The following NPTX2 variants were observed in gnomAD, a reference collection of about 807,000 sequenced individuals.
The protein encoded by NPTX2 is neuronal pentraxin-2.
Under a neutral mutation model 38.1 loss-of-function variants are expected in NPTX2, and 23 were observed. The ratio of observed to expected loss-of-function variants is 0.60; its 90% CI spans 0.43 to 0.85. The LOEUF (loss-of-function observed/expected upper bound fraction) is 0.85, where lower values mean the gene tolerates loss of function less well. NPTX2 is among the 40% of genes least tolerant of loss of function. The pLI is 0.00. For missense variants in NPTX2, 553 were observed against 615.3 expected, an observed-to-expected ratio of 0.90 and a Z score of 1.07; for synonymous variants, 291 against 287.3, an observed-to-expected ratio of 1.01 and a Z score of -0.13.
chr7:98,618,811 C>G (rs1426082488), intron 1 of NPTX2, among the ~76,000 whole-genome samples: 1 of 151,844 alleles, frequency 6.6e-6, no homozygotes, highest in Non-Finnish European at 1.5e-5. Flanking sequence ...AAAAATGACT[C>G]TAGGGTTTCT....
chr7:98,619,346 G>C (rs973338873), intron 1 of NPTX2, among the ~76,000 whole-genome samples: 3 of 152,134 alleles, frequency 2.0e-5, no homozygotes, highest in Admixed American at 6.5e-5. Context: ...ACCCAACATA[G>C]AATTCTAGGC....
chr7:98,620,340 A>C (rs565742277), intron 2 of NPTX2, among the ~76,000 whole-genome samples: 16 of 152,128 alleles, frequency 1.1e-4, no homozygotes, highest in Non-Finnish European at 1.8e-4. Flanking sequence ...TAAGCTGATG[A>C]AGCCACTTCC....
At position 98,617,384 on chromosome 7, in the gene NPTX2, C is replaced by A. The variant is rs1368149722; in HGVS notation, c.-78C>A. 2 of 359,876 alleles carry A rather than the reference C, an allele frequency of 5.6e-6. No homozygotes were observed. Among genetic ancestry groups the A allele is most frequent in the Non-Finnish European group, 9.3e-6 (2 of 215,062 alleles). The allele number at this position is 359,876 out of a possible 1,614,324, so 22.3% of individuals were successfully genotyped here. On this transcript the variant is annotated 5_prime_UTR_variant, in exon 1 of 5. Coordinates refer to ENST00000265634, the MANE Select transcript of NPTX2 (RefSeq NM_002523.3). Reference sequence around the variant, plus strand: ...GAGACGACAGCGCGGCTACTGCCAGCAGCGAAGGCGCCTCCCGCGGAGCGC... The same window carrying A: ...GAGACGACAGCGCGGCTACTGCCAGAAGCGAAGGCGCCTCCCGCGGAGCGC...
chr7:98,626,247 A>G (rs1791348886), intron 3 of NPTX2, among the ~76,000 whole-genome samples: 1 of 151,988 alleles, frequency 6.6e-6, no homozygotes. Flanking sequence ...CCATATAACA[A>G]AAAGAACATT....
chr7:98,628,421 T>C lies in NPTX2; in HGVS notation c.1088T>C (p.Phe363Ser), dbSNP rs1255135259. The C allele has an allele frequency of 1.2e-6, 2 of 1,603,080 alleles. No homozygotes were observed. The stretch of plus-strand genomic sequence containing the variant: ...CCCCAGGACACCGTGGGGGGTAGGT[T>C]TGATGCCACTCAGGCATTTGTCGGG... The part of the protein sequence containing the change: ...GQEQDTVGGR[F>S]DATQAFVGEL... The change falls in exon 5 of 5, where the codon TTT (phenylalanine) becomes TCT (serine). Residue 363 changes from phenylalanine to serine, a missense_variant. Phe to Ser is a radical substitution (Grantham distance 155). Transcript: ENST00000265634.
chr7:98,617,939 CG>C (rs1362136770), intron 1 of NPTX2, 52 bp downstream of exon 1: 1 of 1,511,708 alleles, frequency 6.6e-7, no homozygotes. Flanking sequence ...GCTCCCGAGT[CG>C]GGGGCGGAAG....
intron 2 of NPTX2, among the ~76,000 whole-genome samples, chr7:98,621,835 C>T (rs1043286806): frequency 1.3e-5 from 2 of 152,220 alleles, no homozygotes; most frequent in African/African-American, 4.8e-5. Context: ...GTGATGCCTG[C>T]ATTCACATTG....
chr7:98,617,921 A>G, intron 1 of NPTX2, 34 bp downstream of exon 1: 1 of 1,531,960 alleles, frequency 6.5e-7, no homozygotes, highest in Non-Finnish European at 8.7e-7. Context: ...GGGACCTGGA[A>G]TGGGGACGCT....
At chr7:98,628,115 C>A (rs184444506) in intron 4 of NPTX2, among the ~76,000 whole-genome samples, 1 of 152,136 alleles carries the variant, frequency 6.6e-6, no homozygotes, top group Non-Finnish European at 1.5e-5. Context: ...GCTACATCTC[C>A]GCTGGGAGGG....
At chr7:98,626,992 G>A (rs1791360541) in intron 3 of NPTX2, among the ~76,000 whole-genome samples, 173 bp from the exon 4 acceptor site, 1 of 152,054 alleles carries the variant, frequency 6.6e-6, no homozygotes, top group Non-Finnish European at 1.5e-5. Flanking sequence ...GGCTGCTCTG[G>A]GGTCAGGGTT....
Position 98,619,716 on chromosome 7 carries a change from G to A in NPTX2, c.500G>A (p.Gly167Glu). 6.2e-7 allele frequency: 1 copy of A among 1,613,352 alleles called. No individual in the cohort carries two copies. Among genetic ancestry groups the A allele is most frequent in the East Asian group, 2.2e-5 (1 of 44,880 alleles). ...CGCGAGGTGCTCCAGCAGCGGCTGG[G>A]GGAGCTGGAGAGGCAGCTTCTGCGC... Reference protein sequence around the residue: ...DFREVLQQRLGELERQLLRKV... With the variant: ...DFREVLQQRLEELERQLLRKV... Residue 167 changes from glycine (G) to glutamate (E), a missense_variant, in exon 2 of 5, where the codon GGG becomes GAG. Physicochemically the swap from Gly to Glu is moderately conservative, Grantham distance 98. Transcript: ENST00000265634.
rs1173676053 is a variant in NPTX2, at chr7:98,617,556, T to C, written c.95T>C (p.Leu32Pro). ...GGTAGCCGCTTCGTGTGCACGGCAC[T>C]GCCCCCAGAGGCGGTGCACGCCGGC... ...APGSRFVCTA[L>P]PPEAVHAGCP... The change falls in exon 1 of 5, where the codon CTG (leucine) becomes CCG (proline). Residue 32 changes from leucine to proline, a missense_variant. By Grantham distance (98) the Leu-to-Pro change is moderately conservative. Transcript: ENST00000265634. The C allele has an allele frequency of 2.7e-6, 4 of 1,471,742 alleles. No individual in the cohort carries two copies. The highest frequency in any genetic ancestry group is 3.6e-6 in the Non-Finnish European group (4 of 1,118,258). 91.2% of individuals were successfully genotyped at this position (1,471,742 alleles called of 1,614,324 possible).
Position 98,628,433 on chromosome 7 carries a change from A to G in NPTX2, c.1100A>G (p.Gln367Arg), listed in dbSNP as rs1791389088. The G allele has an allele frequency of 6.2e-7, 1 of 1,608,594 alleles. No homozygotes were observed. Among genetic ancestry groups the G allele is most frequent in the Non-Finnish European group, 8.5e-7 (1 of 1,176,088 alleles). Reference sequence around the variant, plus strand: ...GTGGGGGGTAGGTTTGATGCCACTCAGGCATTTGTCGGGGAGCTCAGCCAG... The same window carrying G: ...GTGGGGGGTAGGTTTGATGCCACTCGGGCATTTGTCGGGGAGCTCAGCCAG... ...DTVGGRFDAT[Q>R]AFVGELSQFN... Residue 367 changes from glutamine to arginine, a missense_variant, in exon 5 of 5, where the codon CAG (glutamine) becomes CGG (arginine). By Grantham distance (43) the Gln-to-Arg change is conservative (BLOSUM62 1). Coordinates refer to ENST00000265634, the MANE Select transcript of NPTX2 (RefSeq NM_002523.3).
chr7:98,622,101 C>T (rs1439894317), intron 2 of NPTX2, among the ~76,000 whole-genome samples: 2 of 152,224 alleles, frequency 1.3e-5, no homozygotes, highest in African/African-American at 2.4e-5. Flanking sequence ...CTGCCCAGCT[C>T]AGTGTTGAAA....
chr7:98,617,703 G>C lies in NPTX2; in HGVS notation c.242G>C (p.Arg81Pro). 2.1e-6 allele frequency: 3 copies of C among 1,441,588 alleles called. No homozygotes were observed. The highest frequency in any genetic ancestry group is 1.4e-5 in the South Asian group (1 of 70,206). The allele number at this position is 1,441,588 out of a possible 1,614,324, so 89.3% of individuals were successfully genotyped here. A position where few individuals can be genotyped will look rare whatever the true frequency, so the allele number is the denominator to read the frequency against. ...VQQKETLGAQ[R>P]EAIRELTGKL... ...CAGAAGGAGACGCTGGGCGCGCAGC[G>C]CGAGGCCATCCGCGAGCTCACGGGC... The change falls in exon 1 of 5, where the codon CGC becomes CCC. Residue 81 changes from arginine (R) to proline (P), a missense_variant. Coordinates refer to ENST00000265634, the MANE Select transcript of NPTX2 (RefSeq NM_002523.3).
chr7:98,625,307 A>T, intron 3 of NPTX2, 141 bp downstream of exon 3: 73 of 792,726 alleles, frequency 9.2e-5, no homozygotes, highest in Middle Eastern at 5.4e-4. Context: ...GTCCTCCTCG[A>T]GGTGGGGATA....
Position 98,624,941 on chromosome 7 carries a change from A to G in NPTX2, c.663A>G (p.Ser221=), listed in dbSNP as rs1453081462. The G allele has an allele frequency of 6.2e-7, 1 of 1,612,968 alleles. No individual in the cohort carries two copies. Among genetic ancestry groups the G allele is most frequent in the Non-Finnish European group, 8.5e-7 (1 of 1,179,422 alleles). ...ELERGNSAFK[S]PDAFKVSLPL... ...CCCCAGGCAATAGCGCCTTTAAGTC[A>G]CCAGATGCGTTCAAGGTGTCCCTCC... The change falls in exon 3 of 5, where the codon TCA becomes TCG. Residue 221 remains serine (S), a synonymous_variant. Coordinates refer to ENST00000265634, the MANE Select transcript of NPTX2 (RefSeq NM_002523.3).
rs1033197604 is a variant in NPTX2 at position 98,628,919 on chromosome 7, C to T, written c.*290C>T. On this transcript the variant is annotated 3_prime_UTR_variant, in exon 5 of 5. Transcript: ENST00000265634. ...CTTCCTGCTGCAAGTGGAGGCAGGT[C>T]CAGCAGCCCCTCTTCAGAGCCCCTG... The T allele has an allele frequency of 1.2e-5, 4 of 327,968 alleles. No individual in the cohort carries two copies. The highest frequency in any genetic ancestry group is 1.1e-4 in the South Asian group (1 of 9,242). 20.3% of individuals were successfully genotyped at this position (327,968 alleles called of 1,614,324 possible). A position where few individuals can be genotyped will look rare whatever the true frequency, so the allele number is the denominator to read the frequency against.
In NPTX2 at chr7:98,629,352, C is replaced by T. The variant is rs1315335916; in HGVS notation, c.*723C>T. ...GATGCTTTGACTGAATCATCACTAGCTATGGCATTAAAAGGCCTCTCTTCT... is the reference window on the plus strand; with the variant it reads ...GATGCTTTGACTGAATCATCACTAGTTATGGCATTAAAAGGCCTCTCTTCT... On this transcript the variant is annotated 3_prime_UTR_variant, in exon 5 of 5. Transcript: ENST00000265634. 6.6e-6 allele frequency: 1 copy of T among 152,652 alleles called. No homozygotes were observed. The highest frequency in any genetic ancestry group is 2.4e-5 in the African/African-American group (1 of 41,444). The allele number at this position is 152,652 out of a possible 1,614,324, so 9.5% of individuals were successfully genotyped here. A position where few individuals can be genotyped will look rare whatever the true frequency, so the allele number is the denominator to read the frequency against.
Sources: gnomAD v4.1 joint callset for allele counts (sites outside exome capture counted in the v4.1 genomes callset) on GRCh38, gnomAD v4.1.1 for gene constraint, MANE v1.5 for transcripts, NCBI Gene and HGNC (gene_info 2026-07-23, HGNC 2026-07-21) for gene names.